ST6GAL2: variants seen among roughly 807,000 people sequenced by gnomAD.
ST6GAL2 encodes the protein beta-galactoside alpha-2,6-sialyltransferase 2.
A neutral mutation model predicts 37.5 loss-of-function variants in ST6GAL2; 24 were observed. That is an observed-to-expected ratio of 0.64 (90% confidence interval 0.46 to 0.90). The LOEUF is 0.90. Among genes scored for constraint, ST6GAL2 ranks in the 40% least tolerant of loss-of-function variants. ST6GAL2 has a pLI of 0.00. For missense variants in ST6GAL2, 715 were observed against 712.7 expected, an observed-to-expected ratio of 1.00 and a Z score of -0.04; for synonymous variants, 306 against 295.1, an observed-to-expected ratio of 1.04 and a Z score of -0.38.
At chr2:106,857,420 T>C (rs6543450) in intron 1 of ST6GAL2, among the ~76,000 whole-genome samples, 133,244 of 152,088 alleles carry the variant, frequency 0.88, 58,506 homozygotes, top group East Asian at 0.98. Flanking sequence ...CTGGTCAACA[T>C]GCTGAAACCC....
chr2:106,884,787 TA>T lies in ST6GAL2; in HGVS notation c.-58+1305del, dbSNP rs1678893794. On this transcript the variant is annotated intron_variant, in intron 1 of 5. Transcript: ENST00000409382. ...AGTACAAAATTCCTCAAGTGGTATA[TA>T]AAAATTTTGGTTGTCAGTTCCAGAA... 2.6e-5 allele frequency among the ~76,000 whole-genome samples: 4 copies of T among 151,508 alleles called. No homozygotes were observed. The South Asian group carries it at 8.4e-4, about 32-fold the overall frequency.
intron 1 of ST6GAL2, among the ~76,000 whole-genome samples, chr2:106,861,691 C>T (rs566314015): frequency 2.0e-4 from 30 of 151,450 alleles, no homozygotes; most frequent in Admixed American, 5.9e-4. Flanking sequence ...GTGCAGTGGC[C>T]GTGATCTCGG....
intron 1 of ST6GAL2, among the ~76,000 whole-genome samples, chr2:106,857,174 A>G (rs571960808): frequency 8.9e-4 from 136 of 152,234 alleles, no homozygotes; most frequent in Non-Finnish European, 1.8e-3. Context: ...GAAAATGCCA[A>G]GTTGCTAAGG....
At chr2:106,886,639 G>C (rs1416626190), upstream of ST6GAL2, 3 of 151,694 alleles carry the variant, frequency 2.0e-5, no homozygotes, top group South Asian at 2.1e-4. Flanking sequence ...CCCACGCACC[G>C]AGGCTGCGCC....
In ST6GAL2 at chr2:106,843,935, C is replaced by CG; in HGVS notation, c.42dup (p.Gly15ArgfsTer23). The stretch of plus-strand genomic sequence containing the variant: ...AAGAGGAGCCCCCAAGCGAATATTC[C>CG]GAAAAGCATTCGTTGTCTCCATTGC... On this transcript the variant is annotated frameshift_variant, in exon 2 of 6. Coordinates refer to ENST00000409382, the MANE Select transcript of ST6GAL2 (RefSeq NM_001142351.2). LOFTEE classifies it high-confidence loss of function. The CG allele has an allele frequency of 6.3e-7, 1 of 1,596,438 alleles. No homozygotes were observed. Among genetic ancestry groups the CG allele is most frequent in the Non-Finnish European group, 8.5e-7 (1 of 1,177,006 alleles).
At chr2:106,864,637 C>T (rs943446925) in intron 1 of ST6GAL2, among the ~76,000 whole-genome samples, 1 of 152,022 alleles carries the variant, frequency 6.6e-6, no homozygotes, top group Non-Finnish European at 1.5e-5. Context: ...GGTTATTACA[C>T]CTCAGATCAG....
Position 106,806,491 on chromosome 2 carries a change from C to T in ST6GAL2, c.*187G>A. 3.0e-6 allele frequency: 2 copies of T among 659,106 alleles called. No individual in the cohort carries two copies. The highest frequency in any genetic ancestry group is 4.8e-6 in the Non-Finnish European group (2 of 414,952). 40.8% of individuals were successfully genotyped at this position (659,106 alleles called of 1,614,324 possible). On this transcript the variant is annotated 3_prime_UTR_variant, in exon 6 of 6. Coordinates refer to ENST00000409382, the MANE Select transcript of ST6GAL2 (RefSeq NM_001142351.2). ...TTGAGCCTTATTTTTTTAAAAAAAC[C>T]ATTTCTATGTTCAAAGCAGTAATAC...
At chr2:106,846,059 ATCCCAG>A (rs1677132419) in intron 1 of ST6GAL2, among the ~76,000 whole-genome samples, 4 of 94,020 alleles carry the variant, frequency 4.3e-5, no homozygotes, top group African/African-American at 1.5e-4. Flanking sequence ...CATCCCAGCC[ATCCCAG>A]CCCAGGCACC....
In ST6GAL2 at chr2:106,884,934, T is replaced by TATATACACAC. The variant is rs1425070594; in HGVS notation, c.-58+1158_-58+1159insGTGTGTATAT. Among the ~76,000 whole-genome samples the TATATACACAC allele has an allele frequency of 5.6e-3, 678 of 120,414 alleles. 17 individuals carry two copies. The highest frequency in any genetic ancestry group is 0.023 in the African/African-American group (637 of 28,116). The allele number at this position is 120,414 out of a possible 152,430, so 79.0% of individuals were successfully genotyped here. On this transcript the variant is annotated intron_variant, in intron 1 of 5. Coordinates refer to ENST00000409382, the MANE Select transcript of ST6GAL2 (RefSeq NM_001142351.2). ...ATATATATATATATATATATATATA[T>TATATACACAC]ACATACACACACACACATATATACA...
At chr2:106,885,758 A>G (rs975723177) in intron 1 of ST6GAL2, 3 of 152,244 alleles carry the variant, frequency 2.0e-5, no homozygotes, top group African/African-American at 7.2e-5. Flanking sequence ...AGAAATGAAC[A>G]GAACACACTT....
intron 5 of ST6GAL2, among the ~76,000 whole-genome samples, chr2:106,808,389 C>T (rs1350641725): frequency 1.3e-5 from 2 of 152,212 alleles, no homozygotes; most frequent in Non-Finnish European, 2.9e-5. Flanking sequence ...GAGTAAAACA[C>T]ACTCCTAACA....
At chr2:106,808,825 G>A (rs1161905585) in intron 5 of ST6GAL2, among the ~76,000 whole-genome samples, 1 of 152,142 alleles carries the variant, frequency 6.6e-6, no homozygotes, top group African/African-American at 2.4e-5. Context: ...TGCCGACATG[G>A]TGAAATCCCA....
At chr2:106,809,339 C>G (rs1675529106) in intron 5 of ST6GAL2, among the ~76,000 whole-genome samples, 1 of 152,222 alleles carries the variant, frequency 6.6e-6, no homozygotes, top group Non-Finnish European at 1.5e-5. Context: ...GTGTCTTTTA[C>G]ACAAAGTCAC....
At chr2:106,822,746 G>T (rs1181710371) in intron 5 of ST6GAL2, among the ~76,000 whole-genome samples, 1 of 152,046 alleles carries the variant, frequency 6.6e-6, no homozygotes, top group East Asian at 1.9e-4. Flanking sequence ...GAAATCACAT[G>T]ACCTGACTTC....
Position 106,879,264 on chromosome 2 carries a change from T to C in ST6GAL2, c.-58+6829A>G, listed in dbSNP as rs985989846. Among the ~76,000 whole-genome samples the C allele has an allele frequency of 2.0e-5, 3 of 152,186 alleles. 1 individual carries two copies. The South Asian group carries it at 6.2e-4, about 32-fold the overall frequency. On this transcript the variant is annotated intron_variant, in intron 1 of 5. Transcript: ENST00000409382. ...AGTGGGATATGATGATAATACAGCA[T>C]GATGTGTTTTAACTCTGTGGGGCAA...
In ST6GAL2 at chr2:106,843,132, G is replaced by C. The variant is rs746962331; in HGVS notation, c.846C>G (p.Ala282=). The C allele has an allele frequency of 8.9e-6, 14 of 1,567,274 alleles. No homozygotes were observed. The highest frequency in any genetic ancestry group is 1.2e-5 in the Non-Finnish European group (14 of 1,159,830). Residue 282 remains alanine (A), a synonymous_variant, in exon 2 of 6, where the codon GCC becomes GCG. Transcript: ENST00000409382. ...GGGGGTGCAGCTGGCTCAGGGGCAC[G>C]GCGGGCACCAGGCGCCGCCAGCCCA... is the stretch of plus-strand genomic sequence containing the variant. The part of the protein sequence containing the change: ...SALGWRRLVP[A]VPLSQLHPRG...
Position 106,843,034 on chromosome 2 carries a change from C to T in ST6GAL2, c.943+1G>A, listed in dbSNP as rs770748837. On this transcript the variant is annotated splice_donor_variant, in intron 2 of 5. Transcript: ENST00000409382. LOFTEE classifies it high-confidence loss of function. Reference sequence around the variant, plus strand: ...GACCTGGTCCCCCCGCTGAGACCTACCTATTTCCTCGCCCAAGGAAGAGTT... The same window carrying T: ...GACCTGGTCCCCCCGCTGAGACCTATCTATTTCCTCGCCCAAGGAAGAGTT... 1.4e-6 allele frequency: 2 copies of T among 1,415,302 alleles called. No homozygotes were observed. The highest frequency in any genetic ancestry group is 9.2e-7 in the Non-Finnish European group (1 of 1,082,168). The allele number at this position is 1,415,302 out of a possible 1,614,324, so 87.7% of individuals were successfully genotyped here. A position where few individuals can be genotyped will look rare whatever the true frequency, so the allele number is the denominator to read the frequency against.
rs778281127 is a variant in ST6GAL2, at chr2:106,806,638, A to T, written c.*40T>A. ...ATTCTTTTGTGACTTTGAGTACAAC[A>T]GTAGTACCTTATTGCACATTGATTC... is the stretch of plus-strand genomic sequence containing the variant. On this transcript the variant is annotated 3_prime_UTR_variant, in exon 6 of 6. Coordinates refer to ENST00000409382, the MANE Select transcript of ST6GAL2 (RefSeq NM_001142351.2). The T allele has an allele frequency of 6.3e-7, 1 of 1,595,042 alleles. No homozygotes were observed. Among genetic ancestry groups the T allele is most frequent in the Admixed American group, 1.7e-5 (1 of 59,128 alleles).
chr2:106,805,612 G>C lies in ST6GAL2; in HGVS notation c.*1066C>G, dbSNP rs757491993. The C allele has an allele frequency of 6.6e-6, 1 of 152,226 alleles. No homozygotes were observed. The highest frequency in any genetic ancestry group is 1.9e-4 in the East Asian group (1 of 5,198). 9.4% of individuals were successfully genotyped at this position (152,226 alleles called of 1,614,324 possible). ...TCCTAAATGTCTGTAGGAAGATTTA[G>C]TGAAGATTCAGTGCTCATCACTGTG... On this transcript the variant is annotated 3_prime_UTR_variant, in exon 6 of 6. Transcript: ENST00000409382.
Sources: gnomAD v4.1 joint callset for allele counts (sites outside exome capture counted in the v4.1 genomes callset) on GRCh38, gnomAD v4.1.1 for gene constraint, MANE v1.5 for transcripts, NCBI Gene and HGNC (gene_info 2026-07-23, HGNC 2026-07-21) for gene names.